Variants in SEMA4B observed in about 807,000 individuals in gnomAD.
SEMA4B encodes semaphorin-4B.
In SEMA4B, 55 loss-of-function variants were observed where a neutral mutation model predicts 88.1. That is an observed-to-expected ratio of 0.62 (90% CI 0.50 to 0.78). The LOEUF is 0.78. SEMA4B is among the 30% of genes least tolerant of loss of function. The pLI is 0.00. For missense variants in SEMA4B, 1,062 were observed against 1,111.9 expected (o/e 0.96, Z 0.64); for synonymous variants, 525 against 473.6 (o/e 1.11, Z -1.41).
Position 90,212,643 on chromosome 15 carries a change from T to TAC in SEMA4B, c.158-4773_158-4772dup, listed in dbSNP as rs3029937. 0.41 allele frequency among the ~76,000 whole-genome samples: 60,758 copies of TAC among 149,864 alleles called. 12,431 individuals carry two copies. Among genetic ancestry groups the TAC allele is most frequent in the Admixed American group, 0.48 (7,180 of 15,074 alleles). On this transcript the variant is annotated intron_variant, in intron 1 of 13. Coordinates refer to ENST00000411539, the MANE Select transcript of SEMA4B (RefSeq NM_198925.4). The surrounding 1 kb of genome is among the most constrained non-coding windows in gnomAD (Gnocchi z 4.0). The stretch of plus-strand genomic sequence containing the variant: ...CGTGGACAAGCCCTGCGGTACCGTG[T>TAC]ACACACACACACACACACACACACC...
At chr15:90,204,308 C>G (rs1006121044) in intron 1 of SEMA4B, among the ~76,000 whole-genome samples, 1 of 152,236 alleles carries the variant, frequency 6.6e-6, no homozygotes, top group Non-Finnish European at 1.5e-5. Flanking sequence ...CGTAAGGACC[C>G]AGATGCCTAG....
chr15:90,193,482 G>A (rs189354347), intron 1 of SEMA4B: 3 of 152,390 alleles, frequency 2.0e-5, no homozygotes, highest in Non-Finnish European at 4.4e-5. Context: ...TTTGGAAGAT[G>A]GAAGTCCTGT....
chr15:90,221,350 GA>G lies in SEMA4B; in HGVS notation c.596-15del, dbSNP rs1424785978. 2 of 1,400,300 alleles carry G rather than the reference GA, an allele frequency of 1.4e-6. No homozygotes were observed. Among genetic ancestry groups the G allele is most frequent in the Admixed American group, 5.1e-5 (2 of 39,434 alleles). 86.7% of individuals were successfully genotyped at this position (1,400,300 alleles called of 1,614,324 possible). On this transcript the variant is annotated splice_polypyrimidine_tract_variant and intron_variant, in intron 5 of 13. Transcript: ENST00000411539. ...CGTGCTGAGGAGCCCATTCCCATGG[GA>G]ATGTTTTCTTGGCAGATGGCGAGCT...
chr15:90,225,227 G>A (rs756415919), intron 10 of SEMA4B, 49 bp downstream of exon 10: 2 of 1,555,342 alleles, frequency 1.3e-6, no homozygotes, highest in Non-Finnish European at 1.7e-6. Flanking sequence ...GCACGTGGCT[G>A]GTGGGTCATG....
rs558377999 is a variant in SEMA4B, at chr15:90,204,711, C to T, written c.157+2976C>T. Among the ~76,000 whole-genome samples, 5 of 152,192 alleles carry T rather than the reference C, an allele frequency of 3.3e-5. No homozygotes were observed. In the South Asian group the frequency reaches 1.0e-3, roughly 32 times the overall value. On this transcript the variant is annotated intron_variant, in intron 1 of 13. Coordinates refer to ENST00000411539, the MANE Select transcript of SEMA4B (RefSeq NM_198925.4). ...CCTGGCCACGTGGGGAGAAACAAAA[C>T]ACGCCTCCTCTCATGGCCCTCCAAA...
chr15:90,215,687 C>G (rs1374473281), intron 1 of SEMA4B, among the ~76,000 whole-genome samples: 1 of 152,122 alleles, frequency 6.6e-6, no homozygotes, highest in African/African-American at 2.4e-5. Flanking sequence ...TGGCACATGC[C>G]TGTAATCCCA....
At chr15:90,225,470 C>A in intron 11 of SEMA4B, 73 bp downstream of exon 11, 1 of 1,387,674 alleles carries the variant, frequency 7.2e-7, no homozygotes, top group Non-Finnish European at 1.0e-6. Flanking sequence ...CAGTCCCCAC[C>A]CAGCTTCTCC....
intron 1 of SEMA4B, among the ~76,000 whole-genome samples, chr15:90,187,826 G>A (rs1430758748): frequency 6.6e-6 from 1 of 152,062 alleles, no homozygotes; most frequent in Non-Finnish European, 1.5e-5. Flanking sequence ...CCAATATGGT[G>A]AAATCTTGTC....
Position 90,229,489 on chromosome 15 carries a change from C to G in SEMA4B, c.*846C>G, listed in dbSNP as rs376451900. 5 of 433,892 alleles carry G rather than the reference C, an allele frequency of 1.2e-5. No homozygotes were observed. Among genetic ancestry groups the G allele is most frequent in the Admixed American group, 2.4e-5 (1 of 41,426 alleles). 26.9% of individuals were successfully genotyped at this position (433,892 alleles called of 1,614,324 possible). Reference sequence around the variant, plus strand: ...CTCAAACACGAGGAACTAACTGCACCCTGGTCCTCTCCCCAGTCCCCAGTT... The same window carrying G: ...CTCAAACACGAGGAACTAACTGCACGCTGGTCCTCTCCCCAGTCCCCAGTT... On this transcript the variant is annotated 3_prime_UTR_variant, in exon 14 of 14. Transcript: ENST00000411539.
chr15:90,217,256 T>C (rs768644907), intron 1 of SEMA4B, 183 bp from the exon 2 acceptor site: 4 of 566,778 alleles, frequency 7.1e-6, no homozygotes, highest in Non-Finnish European at 1.2e-5. Flanking sequence ...TCTTATGTAA[T>C]GTTTGAGAGT....
chr15:90,209,946 T>G (rs759042167), intron 1 of SEMA4B, among the ~76,000 whole-genome samples: 5 of 152,098 alleles, frequency 3.3e-5, no homozygotes, highest in Non-Finnish European at 7.4e-5. Context: ...TATTGAAGTT[T>G]TTAGGCAGAA....
intron 9 of SEMA4B, 90 bp from the exon 10 acceptor site, chr15:90,224,878 C>CA: frequency 9.2e-7 from 1 of 1,086,284 alleles, no homozygotes; most frequent in Non-Finnish European, 1.4e-6. Flanking sequence ...GGGGGACAGA[C>CA]ACCGCTACTG....
chr15:90,199,961 T>A (rs1960644246), upstream of SEMA4B, among the ~76,000 whole-genome samples: 1 of 152,198 alleles, frequency 6.6e-6, no homozygotes, highest in Non-Finnish European at 1.5e-5. Context: ...TGGGCAATAG[T>A]AGCACTGTGG....
In SEMA4B at chr15:90,201,370, G is replaced by A. The variant is rs1272722547; in HGVS notation, c.-209G>A. ...CTGCCCAAGCCGAGGCTGCGGGGCC[G>A]GCGCCGGCGGGAGGACTGCGGTGCC... On this transcript the variant is annotated 5_prime_UTR_variant, in exon 1 of 14. Coordinates refer to ENST00000411539, the MANE Select transcript of SEMA4B (RefSeq NM_198925.4). The A allele has an allele frequency of 8.8e-6, 11 of 1,248,160 alleles. No individual in the cohort carries two copies. Among genetic ancestry groups the A allele is most frequent in the Non-Finnish European group, 1.0e-5 (10 of 996,280 alleles). 77.3% of individuals were successfully genotyped at this position (1,248,160 alleles called of 1,614,324 possible). A position where few individuals can be genotyped will look rare whatever the true frequency, so the allele number is the denominator to read the frequency against.
intron 1 of SEMA4B, among the ~76,000 whole-genome samples, chr15:90,211,163 G>C (rs1229752993): frequency 6.6e-6 from 1 of 152,218 alleles, no homozygotes; most frequent in African/African-American, 2.4e-5. Context: ...GAGGGACTGA[G>C]CGTGTCCCTG....
At chr15:90,195,745 GA>G (rs1232355159) in intron 1 of SEMA4B, among the ~76,000 whole-genome samples, 1 of 152,004 alleles carries the variant, frequency 6.6e-6, no homozygotes, top group African/African-American at 2.4e-5. Context: ...AAGTAGCTGG[GA>G]CTACAGGCAT....
chr15:90,228,427 C>A lies in SEMA4B; in HGVS notation c.2298C>A (p.Pro766=). Residue 766 remains proline (P), a synonymous_variant, in exon 14 of 14, where the codon CCC becomes CCA. Coordinates refer to ENST00000411539, the MANE Select transcript of SEMA4B (RefSeq NM_198925.4). ...VHPKTCPVVL[P]PETRPLNGLG... is the part of the protein sequence containing the mutation. ...CCAAGACCTGCCCTGTGGTGCTGCCCCCTGAGACCCGCCCACTCAACGGCC... is the reference window on the plus strand; with the variant it reads ...CCAAGACCTGCCCTGTGGTGCTGCCACCTGAGACCCGCCCACTCAACGGCC... The A allele has an allele frequency of 6.2e-7, 1 of 1,607,546 alleles. No homozygotes were observed. The highest frequency in any genetic ancestry group is 8.5e-7 in the Non-Finnish European group (1 of 1,176,792).
intron 1 of SEMA4B, among the ~76,000 whole-genome samples, chr15:90,203,081 T>C (rs939163833): frequency 1.3e-5 from 2 of 152,212 alleles, no homozygotes; most frequent in African/African-American, 4.8e-5. Context: ...CTCAAGGTAG[T>C]GAGGATTAAA....
In SEMA4B at chr15:90,228,966, T is replaced by C. The variant is rs1457584590; in HGVS notation, c.*323T>C. The C allele has an allele frequency of 6.8e-6, 3 of 442,582 alleles. No individual in the cohort carries two copies. Among genetic ancestry groups the C allele is most frequent in the East Asian group, 4.6e-5 (1 of 21,688 alleles). 27.4% of individuals were successfully genotyped at this position (442,582 alleles called of 1,614,324 possible). A position where few individuals can be genotyped will look rare whatever the true frequency, so the allele number is the denominator to read the frequency against. On this transcript the variant is annotated 3_prime_UTR_variant, in exon 14 of 14. Coordinates refer to ENST00000411539, the MANE Select transcript of SEMA4B (RefSeq NM_198925.4). ...TGAAACTAGAATGAGAGGGAAGAGA[T>C]AGCATGGCATGCAGCACACACGGCT...
Sources: allele counts gnomAD v4.1 joint callset (sites outside exome capture counted in the v4.1 genomes callset), GRCh38; gene constraint gnomAD v4.1.1; non-coding constraint Gnocchi (gnomAD v3.1); transcripts MANE v1.5; gene names NCBI Gene and HGNC (gene_info 2026-07-23, HGNC 2026-07-21).